KCNH8: variants seen among roughly 807,000 people sequenced by gnomAD.
The protein encoded by KCNH8 is voltage-gated delayed rectifier potassium channel KCNH8.
KCNH8 carries 70 observed loss-of-function variants against 103.6 expected under a neutral mutation model. The ratio of observed to expected loss-of-function variants is 0.68; its 90% CI spans 0.56 to 0.82. The LOEUF is 0.82. Among genes scored for constraint, KCNH8 ranks in the 40% least tolerant of loss-of-function variants. KCNH8 has a pLI of 0.00. For missense variants in KCNH8, 1,217 were observed against 1,329.9 expected (o/e 0.92, Z 1.32); for synonymous variants, 498 against 489.4 (o/e 1.02, Z -0.23).
intron 5 of KCNH8, among the ~76,000 whole-genome samples, chr3:19,362,989 T>C (rs188979221): frequency 6.6e-6 from 1 of 152,242 alleles, no homozygotes; most frequent in East Asian, 1.9e-4. Flanking sequence ...TTTTAGAAAA[T>C]TAGCATCCTT....
intron 11 of KCNH8, among the ~76,000 whole-genome samples, chr3:19,477,475 G>T (rs75761397): frequency 0.036 from 5,498 of 151,450 alleles, 283 homozygotes; most frequent in East Asian, 0.26. Context: ...TGTGGAAGGG[G>T]ACCCTGAAGT....
At chr3:19,511,658 A>G (rs886292609) in intron 12 of KCNH8, among the ~76,000 whole-genome samples, 1 of 152,168 alleles carries the variant, frequency 6.6e-6, no homozygotes, top group Non-Finnish European at 1.5e-5. Flanking sequence ...AAAACAAACA[A>G]GAGTAACATC....
At chr3:19,405,555 T>C (rs2066678945) in intron 7 of KCNH8, among the ~76,000 whole-genome samples, 1 of 151,950 alleles carries the variant, frequency 6.6e-6, no homozygotes, top group Non-Finnish European at 1.5e-5. Context: ...GCTGAAAAGA[T>C]GTTTTATAAA....
intron 4 of KCNH8, among the ~76,000 whole-genome samples, chr3:19,344,713 CAAT>C (rs2065706705): frequency 6.6e-6 from 1 of 152,012 alleles, no homozygotes; most frequent in African/African-American, 2.4e-5. Context: ...ATTGAATAAA[CAAT>C]AAATTTTCTG....
chr3:19,397,998 G>A (rs1215124849), intron 7 of KCNH8, among the ~76,000 whole-genome samples: 1 of 151,670 alleles, frequency 6.6e-6, no homozygotes, highest in Non-Finnish European at 1.5e-5. Flanking sequence ...TTACCTTTTT[G>A]GGTCCAATTA....
intron 2 of KCNH8, among the ~76,000 whole-genome samples, chr3:19,261,564 T>C (rs958194859): frequency 2.0e-5 from 3 of 151,902 alleles, no homozygotes; most frequent in East Asian, 1.9e-4. Flanking sequence ...TTTTGTTGAC[T>C]GTTTCCCTTG....
chr3:19,513,690 A>G (rs2068825884), intron 13 of KCNH8, among the ~76,000 whole-genome samples: 1 of 152,188 alleles, frequency 6.6e-6, no homozygotes, highest in South Asian at 2.1e-4. Context: ...TGATCTTACC[A>G]AAAGTTTCAT....
At chr3:19,481,100 G>T (rs563075005) in intron 11 of KCNH8, among the ~76,000 whole-genome samples, 2 of 152,204 alleles carry the variant, frequency 1.3e-5, no homozygotes, top group South Asian at 4.2e-4. Flanking sequence ...AGATGGAAGG[G>T]CACAATTCTA....
intron 1 of KCNH8, among the ~76,000 whole-genome samples, chr3:19,222,100 C>T (rs963137832): frequency 8.5e-5 from 13 of 152,166 alleles, no homozygotes; most frequent in African/African-American, 2.7e-4. Flanking sequence ...CCTCCCGCCT[C>T]GGCCTCCCAA....
chr3:19,493,268 C>T (rs79047528), intron 11 of KCNH8, among the ~76,000 whole-genome samples: 4,672 of 152,068 alleles, frequency 0.031, 123 homozygotes, highest in East Asian at 0.13. Flanking sequence ...TGAACAGGAA[C>T]GGGGAGAGTG....
At chr3:19,299,408 T>C (rs2065036063) in intron 3 of KCNH8, among the ~76,000 whole-genome samples, 1 of 152,062 alleles carries the variant, frequency 6.6e-6, no homozygotes, top group African/African-American at 2.4e-5. Context: ...GGTGGGAGGA[T>C]TGCTTGAGTC....
Position 19,438,170 on chromosome 3 carries a change from T to C in KCNH8, c.1184T>C (p.Leu395Pro), listed in dbSNP as rs112274880. 2 of 1,614,004 alleles carry C rather than the reference T, an allele frequency of 1.2e-6. No homozygotes were observed. The highest frequency in any genetic ancestry group is 3.3e-5 in the Admixed American group (2 of 60,014). ...NSLLKWEVGWLHELGKRLESP... is the reference protein window; with the variant it reads ...NSLLKWEVGWPHELGKRLESP... ...TTTATTTCCTCCTTTGCAGGTTGGC[T>C]TCATGAGTTGGGAAAGAGACTGGAA... Residue 395 changes from leucine (L) to proline (P), a missense_variant, in exon 8 of 16, where the codon CTT becomes CCT. Leu to Pro is a moderately conservative substitution (Grantham distance 98, BLOSUM62 -3). Coordinates refer to ENST00000328405, the MANE Select transcript of KCNH8 (RefSeq NM_144633.3).
intron 5 of KCNH8, among the ~76,000 whole-genome samples, chr3:19,366,631 T>G (rs2066014801): frequency 6.6e-6 from 1 of 151,990 alleles, no homozygotes; most frequent in South Asian, 2.1e-4. Context: ...TATGTCATTC[T>G]CTCTTCTTTC....
intron 5 of KCNH8, among the ~76,000 whole-genome samples, chr3:19,361,159 A>T (rs770926959): frequency 1.3e-5 from 2 of 152,140 alleles, no homozygotes; most frequent in Non-Finnish European, 2.9e-5. Flanking sequence ...AAAATAAATA[A>T]ATAATAACAG....
intron 3 of KCNH8, among the ~76,000 whole-genome samples, chr3:19,285,576 GTC>G (rs1459782678): frequency 6.6e-6 from 1 of 152,098 alleles, no homozygotes; most frequent in South Asian, 2.1e-4. Flanking sequence ...CTCTTATTGA[GTC>G]TCTGCTTCAT....
chr3:19,452,919 C>T (rs1212580975), intron 10 of KCNH8, among the ~76,000 whole-genome samples: 2 of 152,086 alleles, frequency 1.3e-5, no homozygotes, highest in Admixed American at 1.3e-4. Context: ...TATCACAGCA[C>T]TATTTATGAT....
chr3:19,317,872 C>T (rs1286446135), intron 3 of KCNH8, among the ~76,000 whole-genome samples: 2 of 151,894 alleles, frequency 1.3e-5, no homozygotes, highest in African/African-American at 4.8e-5. Flanking sequence ...CAATGTCATA[C>T]TAAATGGGCA....
intron 1 of KCNH8, among the ~76,000 whole-genome samples, chr3:19,186,937 C>T (rs1238119515): frequency 6.6e-6 from 1 of 152,008 alleles, no homozygotes; most frequent in Non-Finnish European, 1.5e-5. Context: ...GTTTTGTGTG[C>T]CTTATGGTCT....
chr3:19,533,438 T>A lies in KCNH8; in HGVS notation c.2663T>A (p.Met888Lys). ...TQEVSQLGKDMRNVIQLLENV... is the reference protein window; with the variant it reads ...TQEVSQLGKDKRNVIQLLENV... Reference sequence around the variant, plus strand: ...GAAGTTTCTCAGTTGGGTAAAGACATGAGAAATGTGATCCAGCTTCTGGAA... The same window carrying A: ...GAAGTTTCTCAGTTGGGTAAAGACAAGAGAAATGTGATCCAGCTTCTGGAA... The change falls in exon 16 of 16, where the codon ATG (methionine) becomes AAG (lysine). Residue 888 changes from methionine to lysine, a missense_variant. Physicochemically the swap from Met to Lys is moderately conservative, Grantham distance 95. Around this residue, in one of 3 missense-constraint regions of KCNH8, gnomAD observed 558 missense variants for 495.8 expected, o/e 1.13. Coordinates refer to ENST00000328405, the MANE Select transcript of KCNH8 (RefSeq NM_144633.3). The A allele has an allele frequency of 6.2e-7, 1 of 1,612,122 alleles. No individual in the cohort carries two copies. Among genetic ancestry groups the A allele is most frequent in the Middle Eastern group, 1.7e-4 (1 of 6,056 alleles).
Sources: allele counts gnomAD v4.1 joint callset (sites outside exome capture counted in the v4.1 genomes callset), GRCh38; gene constraint gnomAD v4.1.1; regional missense constraint gnomAD v4.1.1; transcripts MANE v1.5; gene names NCBI Gene and HGNC (gene_info 2026-07-23, HGNC 2026-07-21).